CACNG3: variants seen among roughly 807,000 people sequenced by gnomAD.
CACNG3 encodes calcium voltage-gated channel auxiliary subunit gamma 3.
In CACNG3, 3 loss-of-function variants were observed where a neutral mutation model predicts 28.5. The observed-to-expected ratio is 0.11, with a 90% CI of 0.05 to 0.27. CACNG3 has a LOEUF of 0.27. Among genes scored for constraint, CACNG3 ranks in the 10% least tolerant of loss-of-function variants. The probability of loss-of-function intolerance (pLI) is 1.00; values close to 1 mark genes in which losing one functional copy is unlikely to be tolerated. For synonymous variants in CACNG3, 174 were observed against 162.2 expected (o/e 1.07, Z -0.55); for missense variants, 236 against 414.4 (o/e 0.57, Z 3.74).
At chr16:24,328,029 C>A (rs1012883168) in intron 1 of CACNG3, among the ~76,000 whole-genome samples, 3 of 152,142 alleles carry the variant, frequency 2.0e-5, no homozygotes, top group African/African-American at 7.2e-5. Flanking sequence ...TATTTAACAA[C>A]CTACTATGTG....
chr16:24,309,431 A>T (rs1899230476), intron 1 of CACNG3, among the ~76,000 whole-genome samples: 1 of 152,176 alleles, frequency 6.6e-6, no homozygotes, highest in Admixed American at 6.5e-5. Context: ...TGAGCCACAC[A>T]ATGTTTCCAG....
intron 1 of CACNG3, among the ~76,000 whole-genome samples, chr16:24,304,993 A>G (rs1178493648): frequency 6.6e-6 from 1 of 152,154 alleles, no homozygotes; most frequent in Non-Finnish European, 1.5e-5. Flanking sequence ...ACTTTCCTCC[A>G]TTGGTCTCCA....
chr16:24,341,039 T>C (rs1899779841), intron 1 of CACNG3, among the ~76,000 whole-genome samples: 1 of 152,232 alleles, frequency 6.6e-6, no homozygotes, highest in Non-Finnish European at 1.5e-5. Context: ...TTCCATCTTC[T>C]ACAGTGGGTG....
chr16:24,335,662 C>G (rs1409625416), intron 1 of CACNG3, among the ~76,000 whole-genome samples: 1 of 152,188 alleles, frequency 6.6e-6, no homozygotes, highest in East Asian at 1.9e-4. Context: ...TGCTCCTCAG[C>G]TCATCCTATG....
chr16:24,357,232 T>TA lies in CACNG3; in HGVS notation c.436+2280dup, dbSNP rs36102827. Among the ~76,000 whole-genome samples the TA allele has an allele frequency of 3.2e-3, 361 of 113,244 alleles. 4 individuals are homozygous for TA. Among genetic ancestry groups the TA allele is most frequent in the Middle Eastern group, 8.9e-3 (2 of 224 alleles). 74.3% of individuals were successfully genotyped at this position (113,244 alleles called of 152,430 possible). On this transcript the variant is annotated intron_variant, in intron 3 of 3. Transcript: ENST00000005284. ...CTGGTGACTGAGTGACACTCCATCTTAAAAAAAAAAAAAAAAAAAAAGCCA... is the reference window on the plus strand; with the variant it reads ...CTGGTGACTGAGTGACACTCCATCTTAAAAAAAAAAAAAAAAAAAAAAGCCA...
intron 1 of CACNG3, among the ~76,000 whole-genome samples, chr16:24,332,643 C>T (rs1355139658): frequency 6.6e-6 from 1 of 152,114 alleles, no homozygotes; most frequent in Non-Finnish European, 1.5e-5. Flanking sequence ...AAGCTCAGCT[C>T]AGGGTCCTTG....
At chr16:24,328,007 T>C (rs1899580911) in intron 1 of CACNG3, among the ~76,000 whole-genome samples, 1 of 152,180 alleles carries the variant, frequency 6.6e-6, no homozygotes, top group African/African-American at 2.4e-5. Flanking sequence ...TACATTCATT[T>C]GTCCACTTGT....
intron 1 of CACNG3, among the ~76,000 whole-genome samples, chr16:24,261,403 G>A (rs1898535963): frequency 1.3e-5 from 2 of 152,190 alleles, no homozygotes; most frequent in South Asian, 4.1e-4. Flanking sequence ...GACACCAAGT[G>A]TGGCCCAATA....
At chr16:24,323,146 G>A (rs1899487198) in intron 1 of CACNG3, among the ~76,000 whole-genome samples, 2 of 147,872 alleles carry the variant, frequency 1.4e-5, no homozygotes, top group African/African-American at 5.0e-5. Context: ...AGGATCAGTT[G>A]AGCCTGGGAG....
chr16:24,311,173 T>A (rs1282257024), intron 1 of CACNG3, among the ~76,000 whole-genome samples: 1 of 152,198 alleles, frequency 6.6e-6, no homozygotes, highest in South Asian at 2.1e-4. Context: ...ACGCGGACAG[T>A]GTTAATATCC....
At chr16:24,318,895 T>TA (rs1567218011) in intron 1 of CACNG3, among the ~76,000 whole-genome samples, 1 of 152,206 alleles carries the variant, frequency 6.6e-6, no homozygotes, top group Non-Finnish European at 1.5e-5. Context: ...AGGTAGCATC[T>TA]ACCAAGGCTG....
At chr16:24,335,374 C>T (rs985128298) in intron 1 of CACNG3, among the ~76,000 whole-genome samples, 1 of 152,134 alleles carries the variant, frequency 6.6e-6, no homozygotes, top group Non-Finnish European at 1.5e-5. Context: ...GAGCCAAGAT[C>T]GCGCCACTGC....
chr16:24,280,821 C>CAAAAAAAAAAAAAA (rs71154295), intron 1 of CACNG3, among the ~76,000 whole-genome samples: 5 of 55,644 alleles, frequency 9.0e-5, no homozygotes, highest in African/African-American at 2.2e-4. Context: ...GAGTTTGTCT[C>CAAAAAAAAAAAAAA]AAAAAAAAAA....
intron 1 of CACNG3, among the ~76,000 whole-genome samples, chr16:24,265,341 A>G (rs1343545625): frequency 2.4e-5 from 3 of 127,526 alleles, no homozygotes; most frequent in Non-Finnish European, 4.7e-5. Flanking sequence ...AGAAGGAAAG[A>G]AAGAAAAAGG....
At chr16:24,288,141 G>A (rs749226482) in intron 1 of CACNG3, among the ~76,000 whole-genome samples, 47 of 152,156 alleles carry the variant, frequency 3.1e-4, no homozygotes, top group African/African-American at 1.1e-3. Context: ...ATGAAACTTA[G>A]CAGCATCAGG....
intron 1 of CACNG3, among the ~76,000 whole-genome samples, chr16:24,273,782 A>G (rs944620741): frequency 1.8e-4 from 27 of 152,324 alleles, no homozygotes; most frequent in South Asian, 8.3e-4. Context: ...ATTTATTTGC[A>G]TCACACTTGG....
rs575659022 is a variant in CACNG3 at position 24,317,812 on chromosome 16, C to A, written c.212-28922C>A. ...TTATGGCCCAGGAATCTGAAGCCAA[C>A]CTCCCTCTGACCCCCACTCCTAGGG... On this transcript the variant is annotated intron_variant, in intron 1 of 3. Transcript: ENST00000005284. Among the ~76,000 whole-genome samples the A allele has an allele frequency of 3.3e-5, 5 of 152,324 alleles. No homozygotes were observed. The East Asian group carries it at 5.8e-4, about 18-fold the overall frequency.
chr16:24,340,296 G>A (rs1172027294), intron 1 of CACNG3, among the ~76,000 whole-genome samples: 1 of 152,146 alleles, frequency 6.6e-6, no homozygotes, highest in Non-Finnish European at 1.5e-5. Flanking sequence ...GCTATAGGAG[G>A]CTGAGGTAGG....
chr16:24,299,488 G>A (rs1186427998), intron 1 of CACNG3, among the ~76,000 whole-genome samples: 1 of 152,154 alleles, frequency 6.6e-6, no homozygotes, highest in African/African-American at 2.4e-5. Flanking sequence ...AGGGTCCTTG[G>A]TTCCTTTGAC....
Sources: gnomAD v4.1 joint callset for allele counts (sites outside exome capture counted in the v4.1 genomes callset) on GRCh38, gnomAD v4.1.1 for gene constraint, MANE v1.5 for transcripts, NCBI Gene and HGNC (gene_info 2026-07-23, HGNC 2026-07-21) for gene names.